RYR1: variants seen among roughly 807,000 people sequenced by gnomAD.
RYR1 encodes ryanodine receptor 1.
A neutral mutation model predicts 583.5 loss-of-function variants in RYR1; 342 were observed. That is an observed-to-expected ratio of 0.59 (90% CI 0.54 to 0.64). The LOEUF is 0.64. Among genes scored for constraint, RYR1 ranks in the 30% least tolerant of loss-of-function variants. The pLI, the probability that RYR1 is intolerant of heterozygous loss-of-function variation, is 0.00. For missense variants in RYR1, 6,032 were observed against 6,917.2 expected (o/e 0.87, Z 4.54); for synonymous variants, 2,791 against 2,822.5 (o/e 0.99, Z 0.35).
In RYR1 at chr19:38,478,300, T is replaced by A. The variant is rs56271299; in HGVS notation, c.4455-135T>A. 6 of 952,398 alleles carry A rather than the reference T, an allele frequency of 6.3e-6. No homozygotes were observed. In the African/African-American group the frequency reaches 8.1e-5, roughly 13 times the overall value. The allele number at this position is 952,398 out of a possible 1,614,324, so 59.0% of individuals were successfully genotyped here. On this transcript the variant is annotated intron_variant, in intron 30 of 105. Transcript: ENST00000359596. ...AGTGTCCGGGGCGAGGGGTTTCAGC[T>A]CTCAGGTCTGCAGGCGGTGGGTGTT...
At chr19:38,514,409 T>G (rs922513669) in intron 63 of RYR1, among the ~76,000 whole-genome samples, 2 of 150,902 alleles carry the variant, frequency 1.3e-5, no homozygotes, top group African/African-American at 4.9e-5. Context: ...GCCCCCCGAG[T>G]AGCTGGGATT....
At chr19:38,580,534 C>A (rs1187103339) in intron 101 of RYR1, 30 bp downstream of exon 101, 1 of 1,613,590 alleles carries the variant, frequency 6.2e-7, no homozygotes, top group East Asian at 2.2e-5. Flanking sequence ...CTCTGGGACC[C>A]TTCCTTCTCG....
chr19:38,438,809 G>A (rs747196229), intron 1 of RYR1, among the ~76,000 whole-genome samples: 6 of 151,602 alleles, frequency 4.0e-5, no homozygotes, highest in African/African-American at 4.9e-5. Context: ...TAGTAGAGAC[G>A]GGGTTTCACC....
Position 38,457,452 on chromosome 19 carries a change from G to A in RYR1, c.1792-45G>A, listed in dbSNP as rs528916350. 5.6e-5 allele frequency: 90 copies of A among 1,613,894 alleles called. No homozygotes were observed. In the South Asian group the frequency reaches 7.5e-4, roughly 13 times the overall value. ...CTCCCAGGGTTCTTCTGTAGATCCT[G>A]CCCTGGTGCCTACACACCCTTTAAC... is the stretch of plus-strand genomic sequence containing the variant. On this transcript the variant is annotated intron_variant, in intron 16 of 105. Coordinates refer to ENST00000359596, the MANE Select transcript of RYR1 (RefSeq NM_000540.3).
At chr19:38,478,311 C>T (rs939392472) in intron 30 of RYR1, 124 bp from the exon 31 acceptor site, 33 of 1,049,848 alleles carry the variant, frequency 3.1e-5, no homozygotes, top group Admixed American at 1.5e-4. Flanking sequence ...CTCAGGTCTG[C>T]AGGCGGTGGG....
rs1428878929 is a variant in RYR1 at position 38,511,435 on chromosome 19, C to T, written c.9123-126C>T. The T allele has an allele frequency of 9.4e-6, 9 of 955,950 alleles. No homozygotes were observed. In the East Asian group the frequency reaches 1.9e-4, roughly 20 times the overall value. 59.2% of individuals were successfully genotyped at this position (955,950 alleles called of 1,614,324 possible). ...CCCTCCTGTCTCCATCATTTGGACC[C>T]CCTCCTGGTTCCTCTCTCCTTGTCT... is the stretch of plus-strand genomic sequence containing the variant. On this transcript the variant is annotated intron_variant, in intron 60 of 105. Coordinates refer to ENST00000359596, the MANE Select transcript of RYR1 (RefSeq NM_000540.3).
chr19:38,577,942 T>A lies in RYR1; in HGVS notation c.14197T>A (p.Tyr4733Asn). 1 of 1,614,144 alleles carries A rather than the reference T, an allele frequency of 6.2e-7. No individual in the cohort carries two copies. The highest frequency in any genetic ancestry group is 2.2e-5 in the East Asian group (1 of 44,886). The change falls in exon 98 of 106, where the codon TAC becomes AAC. Residue 4733 changes from tyrosine to asparagine, a missense_variant. Physicochemically the swap from Tyr to Asn is moderately radical, Grantham distance 143. This residue lies in a region of RYR1 where 188 missense variants were observed against 215.6 expected (regional missense o/e 0.87). Coordinates refer to ENST00000359596, the MANE Select transcript of RYR1 (RefSeq NM_000540.3). ...RKVLDKHGDI[Y>N]GRERIAELLG... The stretch of plus-strand genomic sequence containing the variant: ...GGTCCTGGACAAACATGGGGACATC[T>A]ACGGGCGGGAGCGGATTGCTGAGCT...
chr19:38,580,591 G>A (rs569425287), intron 101 of RYR1, 87 bp downstream of exon 101: 2 of 1,544,422 alleles, frequency 1.3e-6, no homozygotes, highest in South Asian at 1.1e-5. Flanking sequence ...CGGGCGTGGT[G>A]CCTCCAGCCT....
intron 96 of RYR1, among the ~76,000 whole-genome samples, chr19:38,573,866 ACT>A (rs1029962770): frequency 6.6e-6 from 1 of 151,944 alleles, no homozygotes; most frequent in African/African-American, 2.4e-5. Flanking sequence ...CTGTTCAGTG[ACT>A]CTGGGGTGTG....
chr19:38,523,839 A>T (rs2145705493), intron 69 of RYR1, 76 bp from the exon 70 acceptor site: 1 of 1,602,570 alleles, frequency 6.2e-7, no homozygotes, highest in East Asian at 2.2e-5. Context: ...GGTGCTGGCA[A>T]CTTGGAGTTG....
Position 38,460,380 on chromosome 19 carries a change from G to T in RYR1, c.2366G>T (p.Arg789Leu). ...VVSFSAGVKVRFLLGGRHGEF... is the reference protein window; with the variant it reads ...VVSFSAGVKVLFLLGGRHGEF... ...CATTGTCCTTCCTTACCCAGGGTGC[G>T]GTTCCTCCTTGGTGGCCGCCATGGT... Residue 789 changes from arginine (R) to leucine (L), a missense_variant, in exon 20 of 106, where the codon CGG becomes CTG. Physicochemically the swap from Arg to Leu is moderately radical, Grantham distance 102. Transcript: ENST00000359596. 1.9e-6 allele frequency: 3 copies of T among 1,614,052 alleles called. No individual in the cohort carries two copies. The highest frequency in any genetic ancestry group is 2.5e-6 in the Non-Finnish European group (3 of 1,179,968).
In RYR1 at chr19:38,523,015, C is replaced by T; in HGVS notation, c.10260-13C>T. Reference sequence around the variant, plus strand: ...CCCCACCCCCTCCCTCACCTCCCCTCCGCTGACCCCAGGGCGCAGTGGCTG... The same window carrying T: ...CCCCACCCCCTCCCTCACCTCCCCTTCGCTGACCCCAGGGCGCAGTGGCTG... On this transcript the variant is annotated splice_polypyrimidine_tract_variant and intron_variant, in intron 67 of 105. Coordinates refer to ENST00000359596, the MANE Select transcript of RYR1 (RefSeq NM_000540.3). 1 of 1,574,052 alleles carries T rather than the reference C, an allele frequency of 6.4e-7. No individual in the cohort carries two copies. The highest frequency in any genetic ancestry group is 8.6e-7 in the Non-Finnish European group (1 of 1,160,824).
At chr19:38,473,244 TG>T in intron 27 of RYR1, 132 bp from the exon 28 acceptor site, 2 of 1,133,466 alleles carry the variant, frequency 1.8e-6, no homozygotes, top group Non-Finnish European at 2.6e-6. Flanking sequence ...CCTGCAGGAG[TG>T]GGGGGCCCTT....
Position 38,543,044 on chromosome 19 carries a change from G to A in RYR1, c.11690-303G>A, listed in dbSNP as rs982209766. Among the ~76,000 whole-genome samples, 13 of 151,874 alleles carry A rather than the reference G, an allele frequency of 8.6e-5. No homozygotes were observed. Among genetic ancestry groups the A allele is most frequent in the Non-Finnish European group, 1.8e-4 (12 of 68,004 alleles). On this transcript the variant is annotated intron_variant, in intron 84 of 105. Transcript: ENST00000359596. The surrounding 1 kb of genome is among the most constrained non-coding windows in gnomAD (Gnocchi z 4.4). ...TTTAGTAGAGACGGGGTTTCACCAT[G>A]TTGGTCAGGCTGGTCTCAAACTCCT...
At position 38,473,487 on chromosome 19, in the gene RYR1, C is replaced by A. The variant is rs143750836; in HGVS notation, c.3876C>A (p.Leu1292=). Residue 1292 remains leucine, a synonymous_variant, in exon 28 of 106, where the codon CTC becomes CTA. Transcript: ENST00000359596. The stretch of plus-strand genomic sequence containing the variant: ...AGATGCTTTTCCTGCGGCTGAGCCT[C>A]CCAGTCCAGTTCCACCAGCACTTCC... ...LVEMLFLRLS[L]PVQFHQHFRC... 2,154 of 1,613,808 alleles carry A rather than the reference C, an allele frequency of 1.3e-3. 25 individuals carry two copies. The African/African-American group carries it at 0.022, about 17-fold the overall frequency.
chr19:38,466,010 A>G, intron 23 of RYR1, 81 bp from the exon 24 acceptor site: 1 of 1,330,156 alleles, frequency 7.5e-7, no homozygotes. Context: ...GACAAGGGTC[A>G]GCAGTCAGGG....
chr19:38,445,893 G>T (rs113082524), intron 7 of RYR1, among the ~76,000 whole-genome samples: 2 of 93,190 alleles, frequency 2.1e-5, no homozygotes, highest in African/African-American at 6.9e-5. Context: ...GGGAGGCTGA[G>T]GCAGTATTGC....
chr19:38,506,425 G>A lies in RYR1; in HGVS notation c.8617-46G>A, dbSNP rs771060087. 7 of 1,613,604 alleles carry A rather than the reference G, an allele frequency of 4.3e-6. No individual in the cohort carries two copies. In the African/African-American group the frequency reaches 8.0e-5, roughly 18 times the overall value. ...GGGGACATAGGGTGTCTTTGGGGGG[G>A]CTGGCATCCTCTGAATCTAGCCCTT... is the stretch of plus-strand genomic sequence containing the variant. On this transcript the variant is annotated intron_variant, in intron 55 of 105. Coordinates refer to ENST00000359596, the MANE Select transcript of RYR1 (RefSeq NM_000540.3).
intron 90 of RYR1, among the ~76,000 whole-genome samples, chr19:38,562,941 A>G (rs913873854): frequency 4.6e-5 from 7 of 152,012 alleles, no homozygotes; most frequent in African/African-American, 1.4e-4. Context: ...GCCCCACTGC[A>G]TACACACCCC....
Sources: gnomAD v4.1 joint callset for allele counts (sites outside exome capture counted in the v4.1 genomes callset) on GRCh38, gnomAD v4.1.1 for gene constraint, gnomAD v4.1.1 regional missense constraint, Gnocchi (gnomAD v3.1) non-coding constraint, MANE v1.5 for transcripts, NCBI Gene and HGNC (gene_info 2026-07-23, HGNC 2026-07-21) for gene names.